The following APPL2 variants were observed in gnomAD, a reference collection of about 807,000 sequenced individuals.
APPL2 encodes the protein adaptor protein, phosphotyrosine interacting with PH domain and leucine zipper 2.
APPL2 carries 84 observed loss-of-function variants against 92.7 expected under a neutral mutation model. That is an observed-to-expected ratio of 0.91 (90% CI 0.76 to 1.09). The LOEUF (loss-of-function observed/expected upper bound fraction) is 1.09, where lower values mean the gene tolerates loss of function less well. Ranked by LOEUF, APPL2 falls within the 50% of genes least tolerant of loss-of-function variation. APPL2 has a pLI of 0.00. For synonymous variants in APPL2, 291 were observed against 291.0 expected, an observed-to-expected ratio of 1.00 and a Z score of 0.00; for missense variants, 736 against 824.5, an observed-to-expected ratio of 0.89 and a Z score of 1.31.
intron 20 of APPL2, among the ~76,000 whole-genome samples, chr12:105,175,777 G>A (rs376529502): frequency 7.5e-6 from 1 of 133,404 alleles, no homozygotes; most frequent in African/African-American, 2.8e-5. Context: ...TCTGAAAGAG[G>A]AAATCTAGCC....
chr12:105,202,417 C>T (rs1888291625), intron 9 of APPL2, among the ~76,000 whole-genome samples: 1 of 152,208 alleles, frequency 6.6e-6, no homozygotes, highest in Admixed American at 6.5e-5. Flanking sequence ...AACTCACACG[C>T]ATGGGCACAA....
intron 17 of APPL2, among the ~76,000 whole-genome samples, chr12:105,178,825 T>A (rs1164531912): frequency 6.6e-6 from 1 of 152,216 alleles, no homozygotes; most frequent in East Asian, 1.9e-4. Flanking sequence ...TTAATGGGCA[T>A]GAATTTAATT....
Position 105,190,164 on chromosome 12 carries a change from G to GA in APPL2, c.1242-10dup. ...AATTTTTCAGGTTCTGGCTGAAGGG[G>GA]AAAAAAATCAATTCCCTTAACCTTA... On this transcript the variant is annotated splice_polypyrimidine_tract_variant and intron_variant, in intron 14 of 20. Coordinates refer to ENST00000258530, the MANE Select transcript of APPL2 (RefSeq NM_018171.5). 1.9e-6 allele frequency: 3 copies of GA among 1,608,578 alleles called. No individual in the cohort carries two copies. The highest frequency in any genetic ancestry group is 2.5e-6 in the Non-Finnish European group (3 of 1,178,472).
intron 11 of APPL2, among the ~76,000 whole-genome samples, chr12:105,196,671 C>A (rs1447467376): frequency 1.3e-5 from 2 of 152,088 alleles, no homozygotes; most frequent in Non-Finnish European, 2.9e-5. Context: ...AAACTCCCAA[C>A]CTCAGGGGAT....
At position 105,197,956 on chromosome 12, in the gene APPL2, G is replaced by GT. The variant is rs760054622; in HGVS notation, c.864-4dup. ...TGGTGGTGACCAGCCCTGTTTTGCT[G>GT]TGAGTTGTGTTTTAAAAAGCCCATT... On this transcript the variant is annotated splice_region_variant and splice_polypyrimidine_tract_variant and intron_variant, in intron 10 of 20. Transcript: ENST00000258530. The GT allele has an allele frequency of 6.2e-7, 1 of 1,612,244 alleles. No individual in the cohort carries two copies. The highest frequency in any genetic ancestry group is 1.3e-5 in the African/African-American group (1 of 74,770).
chr12:105,228,662 T>C (rs984789837), intron 2 of APPL2, among the ~76,000 whole-genome samples: 15 of 134,600 alleles, frequency 1.1e-4, no homozygotes, highest in Admixed American at 4.4e-4. Flanking sequence ...GAGATATTTG[T>C]TCCACAAACA....
chr12:105,185,627 T>C (rs1409400080), intron 17 of APPL2, among the ~76,000 whole-genome samples: 1 of 151,996 alleles, frequency 6.6e-6, no homozygotes, highest in Non-Finnish European at 1.5e-5. Context: ...CAGTTGGAAA[T>C]GCAGAAATCA....
At chr12:105,216,195 T>C (rs1383154670) in intron 4 of APPL2, among the ~76,000 whole-genome samples, 2 of 152,142 alleles carry the variant, frequency 1.3e-5, no homozygotes, top group African/African-American at 4.8e-5. Context: ...CTGTAAAATA[T>C]AGCTATAAGA....
At chr12:105,229,587 C>G (rs1566102697) in intron 1 of APPL2, 1 of 1,011,496 alleles carries the variant, frequency 9.9e-7, no homozygotes, top group Non-Finnish European at 1.2e-6. Context: ...CCTCTCCTCT[C>G]AAGTCCATAA....
intron 4 of APPL2, among the ~76,000 whole-genome samples, chr12:105,215,140 G>T (rs1889572467): frequency 6.6e-6 from 1 of 152,194 alleles, no homozygotes; most frequent in African/African-American, 2.4e-5. Context: ...ATCCCAGGGG[G>T]ATGTTGCAGG....
chr12:105,199,636 A>C, intron 9 of APPL2, 105 bp from the exon 10 acceptor site: 1 of 1,293,588 alleles, frequency 7.7e-7, no homozygotes, highest in Non-Finnish European at 1.1e-6. Flanking sequence ...TTCCGGCCTT[A>C]CAGATGGAGC....
Position 105,195,428 on chromosome 12 carries a change from C to A in APPL2, c.1152+17G>T. 1 of 1,614,104 alleles carries A rather than the reference C, an allele frequency of 6.2e-7. No homozygotes were observed. Among genetic ancestry groups the A allele is most frequent in the Non-Finnish European group, 8.5e-7 (1 of 1,180,010 alleles). ...CAGGTTGAGAAAAGGGCTGAGATGC[C>A]GGTGGCTGATAATTACCTCAGGGTT... On this transcript the variant is annotated intron_variant, in intron 13 of 20. Transcript: ENST00000258530.
intron 9 of APPL2, 32 bp from the exon 10 acceptor site, chr12:105,199,563 A>G (rs762835300): frequency 1.2e-6 from 2 of 1,602,220 alleles, no homozygotes; most frequent in Non-Finnish European, 8.5e-7. Flanking sequence ...TCAGTTACTC[A>G]CTGCTGGCCA....
intron 17 of APPL2, among the ~76,000 whole-genome samples, chr12:105,178,866 C>G (rs1272251646): frequency 6.6e-6 from 1 of 152,224 alleles, no homozygotes; most frequent in Non-Finnish European, 1.5e-5. Context: ...CAGTTTTCCT[C>G]AAGTTGGAAT....
At chr12:105,202,204 G>A (rs1398536614) in intron 9 of APPL2, among the ~76,000 whole-genome samples, 1 of 152,238 alleles carries the variant, frequency 6.6e-6, no homozygotes. Flanking sequence ...TTGTCAGACA[G>A]AGGGGGTAAC....
At chr12:105,195,769 C>A in intron 11 of APPL2, 142 bp from the exon 12 acceptor site, 1 of 890,108 alleles carries the variant, frequency 1.1e-6, no homozygotes, top group South Asian at 1.5e-5. Flanking sequence ...AAATGGGGTT[C>A]CAGGGCCAGG....
chr12:105,235,051 G>C (rs762745399), intron 1 of APPL2, among the ~76,000 whole-genome samples: 11 of 152,142 alleles, frequency 7.2e-5, no homozygotes, highest in Admixed American at 2.6e-4. Context: ...CAAAAGAGAG[G>C]GGAAAGTGTG....
Position 105,174,024 on chromosome 12 carries a change from A to AT in APPL2, c.*289dup. ...GAGATGACATTCATATGAACAATGC[A>AT]TTTTTCAAACTTTTGTTCTGAGCGC... On this transcript the variant is annotated 3_prime_UTR_variant, in exon 21 of 21. Transcript: ENST00000258530. 4.1e-6 allele frequency: 1 copy of AT among 245,150 alleles called. No homozygotes were observed. Among genetic ancestry groups the AT allele is most frequent in the Non-Finnish European group, 7.6e-6 (1 of 131,142 alleles). 15.2% of individuals were successfully genotyped at this position (245,150 alleles called of 1,614,324 possible).
chr12:105,195,456 C>A lies in APPL2; in HGVS notation c.1141G>T (p.Asp381Tyr). ...TGGCTGATAATTACCTCAGGGTTGT[C>A]GGTCAGGTAGATCTGTCTGGAGATG... Reference protein sequence around the residue: ...NNISRQIYLTDNPEAVAIKLN... With the variant: ...NNISRQIYLTYNPEAVAIKLN... Residue 381 changes from aspartate to tyrosine, a missense_variant, in exon 13 of 21, where the codon GAC (aspartate) becomes TAC (tyrosine). Transcript: ENST00000258530. The A allele has an allele frequency of 6.2e-7, 1 of 1,614,050 alleles. No homozygotes were observed. The highest frequency in any genetic ancestry group is 8.5e-7 in the Non-Finnish European group (1 of 1,180,032).
Sources: allele counts gnomAD v4.1 joint callset (sites outside exome capture counted in the v4.1 genomes callset), GRCh38; gene constraint gnomAD v4.1.1; transcripts MANE v1.5; gene names NCBI Gene and HGNC (gene_info 2026-07-23, HGNC 2026-07-21).